Variants in MBD5 observed in about 807,000 individuals in gnomAD.
MBD5 encodes the protein methyl-CpG binding domain protein 5, also known as methyl-CpG-binding domain protein 5.
A neutral mutation model predicts 117.3 loss-of-function variants in MBD5; 13 were observed. That is an observed-to-expected ratio of 0.11 (90% confidence interval 0.07 to 0.18). The LOEUF (loss-of-function observed/expected upper bound fraction) is 0.18. MBD5 is among the 10% of genes least tolerant of loss of function. The pLI is 1.00. For synonymous variants in MBD5, 727 were observed against 766.4 expected (o/e 0.95, Z 0.85); for missense variants, 1,879 against 2,093.8 (o/e 0.90, Z 2.00).
chr2:148,439,683 A>T (rs1408976172), intron 4 of MBD5, among the ~76,000 whole-genome samples: 1 of 151,428 alleles, frequency 6.6e-6, no homozygotes, highest in Non-Finnish European at 1.5e-5. Flanking sequence ...CAGAAATGAC[A>T]TTGTTGATGA....
At chr2:148,357,485 GC>G (rs1012977228) in intron 4 of MBD5, among the ~76,000 whole-genome samples, 3 of 146,640 alleles carry the variant, frequency 2.0e-5, no homozygotes, top group African/African-American at 7.6e-5. Flanking sequence ...TTGGTATTTT[GC>G]AATTCCTGAT....
chr2:148,110,760 T>C (rs1207972136), intron 1 of MBD5, among the ~76,000 whole-genome samples: 1 of 151,982 alleles, frequency 6.6e-6, no homozygotes, highest in African/African-American at 2.4e-5. Flanking sequence ...GTCCTCTAAT[T>C]GTCTTACCTT....
chr2:148,177,315 T>C (rs1011559800), intron 1 of MBD5, among the ~76,000 whole-genome samples: 4 of 152,182 alleles, frequency 2.6e-5, no homozygotes, highest in African/African-American at 7.2e-5. Context: ...CTGTAAAGAA[T>C]AGAGAATCTG....
At chr2:148,063,565 T>A (rs79819492) in intron 1 of MBD5, among the ~76,000 whole-genome samples, 2 of 144,826 alleles carry the variant, frequency 1.4e-5, no homozygotes, top group South Asian at 2.2e-4. Flanking sequence ...TTTTTTTTTT[T>A]AATACAAAAA....
chr2:148,179,130 G>A (rs1033656411), intron 2 of MBD5, among the ~76,000 whole-genome samples: 13 of 152,174 alleles, frequency 8.5e-5, no homozygotes, highest in Middle Eastern at 6.8e-3. Flanking sequence ...CGAGGCGGGC[G>A]GATCACGAGG....
intron 3 of MBD5, among the ~76,000 whole-genome samples, chr2:148,240,599 A>G (rs184016327): frequency 1.5e-3 from 227 of 152,304 alleles, no homozygotes; most frequent in Non-Finnish European, 2.9e-3. Context: ...AGTAAAGCTC[A>G]TTCTAGTGAA....
At position 148,483,632 on chromosome 2, in the gene MBD5, A is replaced by G. The variant is rs1486562855; in HGVS notation, c.3041A>G (p.Asp1014Gly). 6.4e-7 allele frequency: 1 copy of G among 1,551,678 alleles called. No homozygotes were observed. Among genetic ancestry groups the G allele is most frequent in the East Asian group, 2.4e-5 (1 of 40,912 alleles). ...PLPSFNLTIS[D>G]LLQQQNTPLP... is the part of the protein sequence containing the mutation. ...CCATCTTTCAATCTGACCATCTCAG[A>G]TCTTTTGCAACAGCAAAATACCCCT... Residue 1014 changes from aspartate (D) to glycine (G), a missense_variant, in exon 9 of 14, where the codon GAT becomes GGT. By Grantham distance (94) the Asp-to-Gly change is moderately conservative. Coordinates refer to ENST00000642680, the MANE Select transcript of MBD5 (RefSeq NM_001378120.1).
chr2:148,503,478 T>C (rs1681933791), intron 12 of MBD5, among the ~76,000 whole-genome samples: 1 of 152,222 alleles, frequency 6.6e-6, no homozygotes, highest in Admixed American at 6.5e-5. Flanking sequence ...ATCAGTAATA[T>C]CTATTAAAAA....
At chr2:148,127,804 C>T (rs1696939421) in intron 1 of MBD5, among the ~76,000 whole-genome samples, 1 of 152,120 alleles carries the variant, frequency 6.6e-6, no homozygotes, top group Non-Finnish European at 1.5e-5. Context: ...TGAGGAATCA[C>T]CCACACTGTC....
intron 1 of MBD5, among the ~76,000 whole-genome samples, chr2:148,169,902 T>C (rs1383448834): frequency 0.076 from 82 of 1,084 alleles, no homozygotes; most frequent in Admixed American, 0.29. Flanking sequence ...GGATTCTTCT[T>C]TTTTTTTTTT....
intron 2 of MBD5, among the ~76,000 whole-genome samples, chr2:148,188,119 A>ATTTT (rs1249494652): frequency 6.6e-6 from 1 of 152,216 alleles, no homozygotes; most frequent in African/African-American, 2.4e-5. Flanking sequence ...TGATCATTGG[A>ATTTT]GCATTTCAGA....
chr2:148,162,551 C>CAG (rs151320654), intron 1 of MBD5, among the ~76,000 whole-genome samples: 1,871 of 152,250 alleles, frequency 0.012, 43 homozygotes, highest in African/African-American at 0.043. Context: ...TTTAGGATGA[C>CAG]ATCTCTTTTC....
At chr2:148,112,479 G>T (rs1023315159) in intron 1 of MBD5, among the ~76,000 whole-genome samples, 1 of 151,930 alleles carries the variant, frequency 6.6e-6, no homozygotes, top group African/African-American at 2.4e-5. Context: ...CTTTATACTT[G>T]GTGCAAAACG....
intron 4 of MBD5, among the ~76,000 whole-genome samples, chr2:148,350,513 C>T (rs1703225041): frequency 6.6e-6 from 1 of 151,912 alleles, no homozygotes; most frequent in Non-Finnish European, 1.5e-5. Flanking sequence ...TCAGTAAACT[C>T]AGAATTTTGC....
intron 3 of MBD5, among the ~76,000 whole-genome samples, chr2:148,322,128 G>C (rs1470111113): frequency 6.6e-6 from 1 of 152,210 alleles, no homozygotes; most frequent in Admixed American, 6.5e-5. Flanking sequence ...CGAGAAGGCA[G>C]ATACATAAGC....
At chr2:148,221,990 C>T (rs1699697009) in intron 2 of MBD5, among the ~76,000 whole-genome samples, 1 of 151,948 alleles carries the variant, frequency 6.6e-6, no homozygotes, top group Non-Finnish European at 1.5e-5. Flanking sequence ...TATTCATTTT[C>T]CCCAGCACCA....
chr2:148,345,388 TACATATACATATATAC>T (rs1703072281), intron 4 of MBD5, among the ~76,000 whole-genome samples: 1 of 137,654 alleles, frequency 7.3e-6, no homozygotes, highest in Non-Finnish European at 1.6e-5. Flanking sequence ...TATACACATA[TACATATACATATATAC>T]ACATATACAT....
intron 3 of MBD5, among the ~76,000 whole-genome samples, chr2:148,334,146 C>T (rs1702728935): frequency 6.6e-6 from 1 of 152,070 alleles, no homozygotes; most frequent in East Asian, 1.9e-4. Flanking sequence ...TCCGTAAGCA[C>T]TGGCTGTCAC....
intron 1 of MBD5, chr2:148,053,910 C>CTTTTTTTTTTTT (rs35830585): frequency 2.2e-5 from 3 of 136,660 alleles, no homozygotes; most frequent in Admixed American, 7.4e-5. Context: ...TTCTTTTTTT[C>CTTTTTTTTTTTT]TTTTTTTTTT....
Sources: allele counts gnomAD v4.1 joint callset (sites outside exome capture counted in the v4.1 genomes callset), GRCh38; gene constraint gnomAD v4.1.1; transcripts MANE v1.5; gene names NCBI Gene and HGNC (gene_info 2026-07-23, HGNC 2026-07-21).